NKAIN3: variants seen among roughly 807,000 people sequenced by gnomAD.
NKAIN3 encodes the protein sodium/potassium-transporting ATPase subunit beta-1-interacting protein 3.
Under a neutral mutation model 30.2 loss-of-function variants are expected in NKAIN3, and 25 were observed. The observed-to-expected ratio is 0.83, with a 90% CI of 0.60 to 1.16. NKAIN3 has a LOEUF of 1.16. Among genes scored for constraint, NKAIN3 ranks in the 50% most tolerant of loss-of-function variants. The pLI, the probability that NKAIN3 is intolerant of heterozygous loss-of-function variation, is 0.00. For synonymous variants in NKAIN3, 91 were observed against 89.6 expected (o/e 1.02, Z -0.09); for missense variants, 225 against 254.1 (o/e 0.89, Z 0.78).
At position 62,259,689 on chromosome 8, in the gene NKAIN3, T is replaced by C. The variant is rs888811935; in HGVS notation, c.54+10562T>C. ...ATTCTTACCTTAGGTCTTGATAGAG[T>C]ATAGGAGAATAGATATTTTAAGATG... On this transcript the variant is annotated intron_variant, in intron 1 of 6. Transcript: ENST00000623646. 5.9e-5 allele frequency among the ~76,000 whole-genome samples: 9 copies of C among 152,070 alleles called. No individual in the cohort carries two copies. The East Asian group carries it at 1.7e-3, about 29-fold the overall frequency.
At chr8:62,331,012 CTATA>C (rs1465094396) in intron 1 of NKAIN3, among the ~76,000 whole-genome samples, 3 of 139,908 alleles carry the variant, frequency 2.1e-5, no homozygotes, top group East Asian at 2.2e-4. Flanking sequence ...CTCTCTCTCT[CTATA>C]TATATGTATG....
chr8:62,820,462 A>C (rs1818815395), intron 4 of NKAIN3, among the ~76,000 whole-genome samples: 1 of 152,134 alleles, frequency 6.6e-6, no homozygotes, highest in Non-Finnish European at 1.5e-5. Flanking sequence ...CAAGTGTGAG[A>C]ATATGGAACT....
intron 3 of NKAIN3, among the ~76,000 whole-genome samples, chr8:62,688,770 A>G (rs1027364858): frequency 6.6e-6 from 1 of 150,658 alleles, no homozygotes; most frequent in Non-Finnish European, 1.5e-5. Context: ...ACACACACAC[A>G]CAAAACCATA....
chr8:62,906,394 C>T (rs567523682), intron 4 of NKAIN3, among the ~76,000 whole-genome samples: 1 of 152,290 alleles, frequency 6.6e-6, no homozygotes, highest in African/African-American at 2.4e-5. Context: ...CTGCACAGAG[C>T]AGTGTGTCAG....
At chr8:62,503,134 G>A (rs1042167954) in intron 1 of NKAIN3, among the ~76,000 whole-genome samples, 3 of 152,112 alleles carry the variant, frequency 2.0e-5, no homozygotes, top group Admixed American at 6.6e-5. Context: ...TTTCAACATA[G>A]GTTCTTTCTA....
chr8:62,670,633 C>T (rs910930563), intron 3 of NKAIN3, among the ~76,000 whole-genome samples: 9 of 152,028 alleles, frequency 5.9e-5, no homozygotes, highest in Non-Finnish European at 8.8e-5. Flanking sequence ...TTCACCATTG[C>T]ATATGGTCCC....
intron 4 of NKAIN3, among the ~76,000 whole-genome samples, chr8:62,839,062 C>T (rs1819453133): frequency 6.6e-6 from 1 of 151,966 alleles, no homozygotes; most frequent in South Asian, 2.1e-4. Flanking sequence ...ACACCCAATC[C>T]TATCTCACAC....
At position 62,329,161 on chromosome 8, in the gene NKAIN3, A is replaced by C. The variant is rs111435564; in HGVS notation, c.54+80034A>C. Among the ~76,000 whole-genome samples the C allele has an allele frequency of 9.0e-3, 1,368 of 152,086 alleles. 30 individuals are homozygous for C. The highest frequency in any genetic ancestry group is 0.031 in the African/African-American group (1,292 of 41,506). Reference sequence around the variant, plus strand: ...TACTGCAGACCCTGCTGACACTCTAATTGCAGCCTCATCAGTGGCCTTGAG... The same window carrying C: ...TACTGCAGACCCTGCTGACACTCTACTTGCAGCCTCATCAGTGGCCTTGAG... On this transcript the variant is annotated intron_variant, in intron 1 of 6. Transcript: ENST00000623646.
intron 1 of NKAIN3, among the ~76,000 whole-genome samples, chr8:62,575,072 G>T (rs889444874): frequency 2.0e-5 from 3 of 152,052 alleles, no homozygotes; most frequent in African/African-American, 4.8e-5. Context: ...CAACAAGCAT[G>T]CCCACTTTCA....
chr8:62,926,576 G>A (rs968956640), intron 5 of NKAIN3, among the ~76,000 whole-genome samples: 4 of 151,930 alleles, frequency 2.6e-5, no homozygotes, highest in African/African-American at 9.7e-5. Flanking sequence ...CAGTGCCGCA[G>A]ATCACCCTAG....
At chr8:62,563,689 C>A (rs1419464463) in intron 1 of NKAIN3, among the ~76,000 whole-genome samples, 2 of 152,236 alleles carry the variant, frequency 1.3e-5, no homozygotes, top group Non-Finnish European at 1.5e-5. Context: ...ATAAGAGAAG[C>A]AGTGATTAAA....
chr8:62,544,740 A>G (rs1808954364), intron 1 of NKAIN3, among the ~76,000 whole-genome samples: 1 of 150,846 alleles, frequency 6.6e-6, no homozygotes, highest in South Asian at 2.1e-4. Flanking sequence ...CTTGAACAAC[A>G]TGGGGCACTG....
At chr8:62,997,775 G>A (rs1394057495) in intron 5 of NKAIN3, among the ~76,000 whole-genome samples, 1 of 149,870 alleles carries the variant, frequency 6.7e-6, no homozygotes, top group Non-Finnish European at 1.5e-5. Context: ...AAAAAAAGAG[G>A]AGGAGGAGGA....
chr8:62,351,618 C>A (rs1816182211), intron 1 of NKAIN3, among the ~76,000 whole-genome samples: 1 of 151,604 alleles, frequency 6.6e-6, no homozygotes, highest in Admixed American at 6.6e-5. Context: ...GTAGTTTGTG[C>A]AAATTGGACA....
intron 1 of NKAIN3, among the ~76,000 whole-genome samples, chr8:62,361,583 T>C (rs1816565868): frequency 6.6e-6 from 1 of 152,226 alleles, no homozygotes; most frequent in African/African-American, 2.4e-5. Context: ...AATAACTCAA[T>C]TGTTTTAGAA....
chr8:62,395,640 G>A (rs1019741700), intron 1 of NKAIN3, among the ~76,000 whole-genome samples: 3 of 152,082 alleles, frequency 2.0e-5, no homozygotes, highest in Non-Finnish European at 4.4e-5. Context: ...TTTATCCAAA[G>A]TTCCACACAC....
intron 1 of NKAIN3, among the ~76,000 whole-genome samples, chr8:62,508,156 C>T (rs531326573): frequency 2.0e-5 from 3 of 152,206 alleles, no homozygotes; most frequent in African/African-American, 4.8e-5. Context: ...TCTGTGAAAA[C>T]CTGGGAAGAA....
At position 62,506,228 on chromosome 8, in the gene NKAIN3, T is replaced by G. The variant is rs1051026153; in HGVS notation, c.55-73311T>G. Among the ~76,000 whole-genome samples the G allele has an allele frequency of 2.7e-4, 35 of 129,226 alleles. No homozygotes were observed. In the East Asian group the frequency reaches 6.0e-3, roughly 22 times the overall value. 84.8% of individuals were successfully genotyped at this position (129,226 alleles called of 152,430 possible). On this transcript the variant is annotated intron_variant, in intron 1 of 6. Transcript: ENST00000623646. The stretch of plus-strand genomic sequence containing the variant: ...GTTTCAGGGATCCATATGAGAATAT[T>G]GGGGGGGGGGACATTATTTCACCTG...
chr8:62,709,384 A>G (rs1814643719), intron 3 of NKAIN3, among the ~76,000 whole-genome samples: 1 of 152,080 alleles, frequency 6.6e-6, no homozygotes, highest in Admixed American at 6.6e-5. Context: ...TTAAATTACC[A>G]TTTCAATCTC....
Sources: allele counts gnomAD v4.1 joint callset (sites outside exome capture counted in the v4.1 genomes callset), GRCh38; gene constraint gnomAD v4.1.1; transcripts MANE v1.5; gene names NCBI Gene and HGNC (gene_info 2026-07-23, HGNC 2026-07-21).